PMP22: variants seen among roughly 807,000 people sequenced by gnomAD.
PMP22 encodes Charcot-Marie-Tooth neuropathy 1A (greatly reduced nerve conduction velocity, hereditary motor sensory neuropathy Ia).
A neutral mutation model predicts 18.9 loss-of-function variants in PMP22; 2 were observed. The observed-to-expected ratio is 0.11, with a 90% CI of 0.04 to 0.33. The LOEUF (loss-of-function observed/expected upper bound fraction) is 0.33. Ranked by LOEUF, PMP22 falls within the 10% of genes least tolerant of loss-of-function variation. The probability of loss-of-function intolerance (pLI) is 1.00; values close to 1 mark genes in which losing one functional copy is unlikely to be tolerated. For synonymous variants in PMP22, 95 were observed against 89.2 expected, an observed-to-expected ratio of 1.07 and a Z score of -0.37; for missense variants, 169 against 202.2, an observed-to-expected ratio of 0.84 and a Z score of 1.00.
In PMP22 at chr17:15,260,674, C is replaced by T; in HGVS notation, c.54G>A (p.Leu18=). The part of the protein sequence containing the change: ...IIVLHVAVLV[L]LFVSTIVSQW... ...CGCTGACGATCGTGGAGACGAACAG[C>T]AGCACCAGCACCGCGACGTGGAGGA... Residue 18 remains leucine, a synonymous_variant, in exon 2 of 5, where the codon CTG becomes CTA. Coordinates refer to ENST00000312280, the MANE Select transcript of PMP22 (RefSeq NM_000304.4). 6.4e-7 allele frequency: 1 copy of T among 1,553,112 alleles called. No homozygotes were observed. The highest frequency in any genetic ancestry group is 8.7e-7 in the Non-Finnish European group (1 of 1,147,728).
chr17:15,236,670 C>T (rs956001510), intron 4 of PMP22, among the ~76,000 whole-genome samples: 11 of 152,206 alleles, frequency 7.2e-5, no homozygotes, highest in African/African-American at 2.7e-4. Flanking sequence ...TCCAACAACC[C>T]TAATCTACTT....
chr17:15,231,002 C>G lies in PMP22; in HGVS notation c.398G>C (p.Gly133Ala), dbSNP rs1411246019. The G allele has an allele frequency of 6.2e-7, 1 of 1,614,048 alleles. No homozygotes were observed. Among genetic ancestry groups the G allele is most frequent in the Non-Finnish European group, 8.5e-7 (1 of 1,180,030 alleles). Residue 133 changes from glycine to alanine, a missense_variant, in exon 5 of 5, where the codon GGT (glycine) becomes GCT (alanine). Transcript: ENST00000312280. Reference sequence around the variant, plus strand: ...CACCCAGGCCAGGATGTAGGCGAAACCGTAGGAGTAATCCGAGTTGAGATG... The same window carrying G: ...CACCCAGGCCAGGATGTAGGCGAAAGCGTAGGAGTAATCCGAGTTGAGATG... ...EWHLNSDYSY[G>A]FAYILAWVAF...
At chr17:15,252,120 C>G (rs1908408614) in intron 3 of PMP22, among the ~76,000 whole-genome samples, 1 of 152,080 alleles carries the variant, frequency 6.6e-6, no homozygotes. Flanking sequence ...AAATGTAAAA[C>G]ATGAACCCAT....
At chr17:15,234,042 G>A (rs1334819508) in intron 4 of PMP22, among the ~76,000 whole-genome samples, 1 of 152,180 alleles carries the variant, frequency 6.6e-6, no homozygotes, top group Non-Finnish European at 1.5e-5. Flanking sequence ...TTCAGGGGCA[G>A]GGACAAGGCA....
At chr17:15,250,798 G>T (rs1216099845) in intron 3 of PMP22, among the ~76,000 whole-genome samples, 1 of 152,122 alleles carries the variant, frequency 6.6e-6, no homozygotes, top group African/African-American at 2.4e-5. Context: ...AGAATGCCTG[G>T]CACTTACGTG....
chr17:15,256,191 C>CT (rs930055509), intron 3 of PMP22, among the ~76,000 whole-genome samples: 4 of 152,202 alleles, frequency 2.6e-5, no homozygotes, highest in African/African-American at 9.7e-5. Flanking sequence ...GGGGCAAGAT[C>CT]TGGTGTGTCT....
At position 15,260,636 on chromosome 17, in the gene PMP22, C is replaced by G; in HGVS notation, c.78+14G>C. ...GGGCGGGCCGCGCAGGGAGCCTCCC[C>G]GCCAGGCACTCACGCTGACGATCGT... On this transcript the variant is annotated intron_variant, in intron 2 of 4. Coordinates refer to ENST00000312280, the MANE Select transcript of PMP22 (RefSeq NM_000304.4). The G allele has an allele frequency of 6.5e-7, 1 of 1,550,282 alleles. No individual in the cohort carries two copies. Among genetic ancestry groups the G allele is most frequent in the Non-Finnish European group, 8.7e-7 (1 of 1,145,900 alleles).
chr17:15,253,152 AG>A (rs1297082769), intron 3 of PMP22, among the ~76,000 whole-genome samples: 1 of 152,144 alleles, frequency 6.6e-6, no homozygotes, highest in Non-Finnish European at 1.5e-5. Context: ...CCCTCACCAG[AG>A]CCTTCCAGAT....
At chr17:15,238,830 T>C (rs926890272) in intron 4 of PMP22, among the ~76,000 whole-genome samples, 1 of 152,150 alleles carries the variant, frequency 6.6e-6, no homozygotes, top group Non-Finnish European at 1.5e-5. Flanking sequence ...GGCAGGAGAT[T>C]AAGGAGACCT....
chr17:15,256,556 G>A lies in PMP22; in HGVS notation c.178+2538C>T, dbSNP rs150478560. Among the ~76,000 whole-genome samples the A allele has an allele frequency of 3.7e-3, 558 of 152,202 alleles. 2 individuals carry two copies. Among genetic ancestry groups the A allele is most frequent in the African/African-American group, 0.012 (493 of 41,522 alleles). On this transcript the variant is annotated intron_variant, in intron 3 of 4. Coordinates refer to ENST00000312280, the MANE Select transcript of PMP22 (RefSeq NM_000304.4). ...CTCGGGAGGCTGAGGCAGGAAAATC[G>A]CTTGAACCCAGGAGGTGGAGGTTGT... is the stretch of plus-strand genomic sequence containing the variant.
In PMP22 at chr17:15,258,629, C is replaced by T. The variant is rs1408911168; in HGVS notation, c.178+465G>A. Reference sequence around the variant, plus strand: ...TGAGGCCCAAGACCTGGAAAGGCAGCCAGTCTTGTGTCCATGTAACTGACG... The same window carrying T: ...TGAGGCCCAAGACCTGGAAAGGCAGTCAGTCTTGTGTCCATGTAACTGACG... On this transcript the variant is annotated intron_variant, in intron 3 of 4. Transcript: ENST00000312280. This position sits in a 1 kb window ranked among gnomAD's most constrained non-coding sequence, Gnocchi z 4.1. 3 of 219,334 alleles carry T rather than the reference C, an allele frequency of 1.4e-5. No homozygotes were observed. In the East Asian group the frequency reaches 3.0e-4, roughly 22 times the overall value. The allele number at this position is 219,334 out of a possible 1,614,324, so 13.6% of individuals were successfully genotyped here. A position where few individuals can be genotyped will look rare whatever the true frequency, so the allele number is the denominator to read the frequency against.
intron 3 of PMP22, among the ~76,000 whole-genome samples, chr17:15,249,104 T>C (rs575194181): frequency 1.1e-4 from 17 of 152,302 alleles, no homozygotes; most frequent in African/African-American, 3.8e-4. Flanking sequence ...AAAGAGCTGC[T>C]ACCCCCACCA....
chr17:15,262,529 T>TGC (rs1031244131), intron 1 of PMP22: 2 of 152,392 alleles, frequency 1.3e-5, no homozygotes, highest in Admixed American at 6.5e-5. Context: ...GCTGCGGGGC[T>TGC]GCGCGCGCGC....
At chr17:15,256,660 A>T (rs1470172671) in intron 3 of PMP22, among the ~76,000 whole-genome samples, 1 of 152,154 alleles carries the variant, frequency 6.6e-6, no homozygotes, top group African/African-American at 2.4e-5. Flanking sequence ...ATAACAAATT[A>T]CTTTTGATTA....
intron 3 of PMP22, among the ~76,000 whole-genome samples, chr17:15,246,158 C>T (rs967299800): frequency 6.6e-6 from 1 of 152,336 alleles, no homozygotes; most frequent in Middle Eastern, 3.4e-3. Flanking sequence ...CATAAGGGTG[C>T]TACAGAGTCA....
rs369103801 is a variant in PMP22 at position 15,235,996 on chromosome 17, G to A, written c.319+3475C>T. 3.8e-4 allele frequency among the ~76,000 whole-genome samples: 58 copies of A among 151,758 alleles called. No individual in the cohort carries two copies. The South Asian group carries it at 0.012, about 31-fold the overall frequency. ...GCTGGTCTTGAACTCCTGACCTCAA[G>A]TGATCTGCCCACCTCAGCCTCCCAA... On this transcript the variant is annotated intron_variant, in intron 4 of 4. Coordinates refer to ENST00000312280, the MANE Select transcript of PMP22 (RefSeq NM_000304.4).
intron 3 of PMP22, among the ~76,000 whole-genome samples, chr17:15,246,084 C>T (rs1415655147): frequency 6.6e-6 from 1 of 152,022 alleles, no homozygotes; most frequent in African/African-American, 2.4e-5. Flanking sequence ...GTTATTAGCA[C>T]ATTGGCCAGA....
Position 15,243,041 on chromosome 17 carries a change from C to T in PMP22, c.179-3430G>A, listed in dbSNP as rs1037567015. ...TGTGGGTTGTAACCAAAGCAGTTCT[C>T]AGAGGACAATGTATACACTTCTAAG... On this transcript the variant is annotated intron_variant, in intron 3 of 4. Transcript: ENST00000312280. Among the ~76,000 whole-genome samples, 4 of 152,030 alleles carry T rather than the reference C, an allele frequency of 2.6e-5. No individual in the cohort carries two copies. The South Asian group carries it at 6.2e-4, about 24-fold the overall frequency.
chr17:15,264,411 A>G (rs1026198184), intron 1 of PMP22, among the ~76,000 whole-genome samples: 15 of 152,204 alleles, frequency 9.9e-5, no homozygotes, highest in African/African-American at 3.6e-4. Context: ...TTGGACATTT[A>G]TTTATTTAAC....
Sources: gnomAD v4.1 joint callset for allele counts (sites outside exome capture counted in the v4.1 genomes callset) on GRCh38, gnomAD v4.1.1 for gene constraint, Gnocchi (gnomAD v3.1) non-coding constraint, MANE v1.5 for transcripts, NCBI Gene and HGNC (gene_info 2026-07-23, HGNC 2026-07-21) for gene names.